Variants in TMEM236 observed in about 807,000 individuals in gnomAD.
The protein encoded by TMEM236 is family with sequence similarity 23, member A.
TMEM236 carries 11 observed loss-of-function variants against 14.7 expected under a neutral mutation model. The observed-to-expected ratio is 0.75, with a 90% CI of 0.47 to 1.24. The LOEUF is 1.24. TMEM236 is among the 50% of genes most tolerant of loss of function. The pLI, the probability that TMEM236 is intolerant of heterozygous loss-of-function variation, is 0.00. For synonymous variants in TMEM236, 182 were observed against 168.6 expected (o/e 1.08, Z -0.62); for missense variants, 464 against 427.3 (o/e 1.09, Z -0.76).
At chr10:17,787,261 A>G (rs1837852892) in intron 3 of TMEM236, among the ~76,000 whole-genome samples, 1 of 151,408 alleles carries the variant, frequency 6.6e-6, no homozygotes, top group African/African-American at 2.4e-5. Flanking sequence ...CAGCGCTGGC[A>G]CCCTCTGTGG....
In TMEM236 at chr10:17,796,444, T is replaced by C; in HGVS notation, c.996T>C (p.Ile332=). The stretch of plus-strand genomic sequence containing the variant: ...ATATCCTCGTGACTCTCTCTTACAT[T>C]TACTTCAATTACCTAACCAGAATCA... ...CKNILVTLSY[I]YFNYLTRIRI... The change falls in exon 4 of 4, where the codon ATT becomes ATC. Residue 332 remains isoleucine, a synonymous_variant. Coordinates refer to ENST00000377495, the MANE Select transcript of TMEM236 (RefSeq NM_001098844.3). 6.2e-7 allele frequency: 1 copy of C among 1,613,792 alleles called. No individual in the cohort carries two copies. The highest frequency in any genetic ancestry group is 8.5e-7 in the Non-Finnish European group (1 of 1,179,840).
At position 17,768,085 on chromosome 10, in the gene TMEM236, G is replaced by GTTTTTTT. The variant is rs1181734908; in HGVS notation, c.258-3224_258-3223insTTTTTTT. ...ACCACCACACCTCGCTAATTTTTGT[G>GTTTTTTT]GTTTTTTTTTTTTTTTTTTTTTTGT... On this transcript the variant is annotated intron_variant, in intron 1 of 3. Coordinates refer to ENST00000377495, the MANE Select transcript of TMEM236 (RefSeq NM_001098844.3). 8.2e-4 allele frequency among the ~76,000 whole-genome samples: 81 copies of GTTTTTTT among 98,804 alleles called. 11 individuals carry two copies. The highest frequency in any genetic ancestry group is 1.6e-3 in the African/African-American group (40 of 24,810). The allele number at this position is 98,804 out of a possible 152,430, so 64.8% of individuals were successfully genotyped here. A position where few individuals can be genotyped will look rare whatever the true frequency, so the allele number is the denominator to read the frequency against.
At chr10:17,777,712 A>G (rs2436683) in intron 3 of TMEM236, among the ~76,000 whole-genome samples, 121,026 of 152,220 alleles carry the variant, frequency 0.8, 48,824 homozygotes, top group African/African-American at 0.92. Flanking sequence ...ATAAGTTAAT[A>G]ACATTTTATT....
intron 1 of TMEM236, among the ~76,000 whole-genome samples, chr10:17,763,710 G>T (rs1203285517): frequency 6.6e-6 from 1 of 152,198 alleles, no homozygotes; most frequent in Non-Finnish European, 1.5e-5. Flanking sequence ...TATGAGGAAT[G>T]AGTTGATATA....
At chr10:17,792,305 C>G (rs1837938733) in intron 3 of TMEM236, among the ~76,000 whole-genome samples, 1 of 152,212 alleles carries the variant, frequency 6.6e-6, no homozygotes, top group Non-Finnish European at 1.5e-5. Flanking sequence ...CCAGGTTGAT[C>G]TGGATGTCCT....
chr10:17,763,479 A>G (rs1233676042), intron 1 of TMEM236, among the ~76,000 whole-genome samples: 5 of 152,114 alleles, frequency 3.3e-5, no homozygotes, highest in East Asian at 1.9e-4. Flanking sequence ...GAGATGTCCT[A>G]TTTGATTCAT....
Position 17,798,206 on chromosome 10 carries a change from A to G in TMEM236, c.*1702A>G, listed in dbSNP as rs1437016955. ...CTTCAATGATCTGTGATAACAAATC[A>G]TTAAGAATGAGACATATGGCTTAAG... On this transcript the variant is annotated 3_prime_UTR_variant, in exon 4 of 4. Transcript: ENST00000377495. The G allele has an allele frequency of 9.3e-6, 2 of 214,808 alleles. No homozygotes were observed. Among genetic ancestry groups the G allele is most frequent in the South Asian group, 7.3e-5 (1 of 13,658 alleles). The allele number at this position is 214,808 out of a possible 1,614,324, so 13.3% of individuals were successfully genotyped here.
At chr10:17,753,178 GC>G (rs1183801837) in intron 1 of TMEM236, among the ~76,000 whole-genome samples, 7 of 152,158 alleles carry the variant, frequency 4.6e-5, no homozygotes, top group Non-Finnish European at 1.0e-4. Context: ...ACAGGAGTGA[GC>G]CAACACGCCC....
At chr10:17,772,345 G>C (rs1837586612) in intron 2 of TMEM236, among the ~76,000 whole-genome samples, 1 of 152,176 alleles carries the variant, frequency 6.6e-6, no homozygotes, top group South Asian at 2.1e-4. Flanking sequence ...ATAATTTTGG[G>C]AGGTTACTCA....
chr10:17,792,353 G>A (rs1837939947), intron 3 of TMEM236, among the ~76,000 whole-genome samples: 1 of 152,208 alleles, frequency 6.6e-6, no homozygotes, highest in African/African-American at 2.4e-5. Context: ...CTCCCAAAGT[G>A]CTGGGATTAC....
chr10:17,771,335 T>G lies in TMEM236; in HGVS notation c.284T>G (p.Val95Gly), dbSNP rs371751428. Residue 95 changes from valine (V) to glycine (G), a missense_variant, in exon 2 of 4, where the codon GTC (valine) becomes GGC (glycine). Val to Gly is a moderately radical substitution (Grantham distance 109, BLOSUM62 -3). Transcript: ENST00000377495. ...GWRPVLMMCV[V>G]LTTLPCLTFS... ...AGACCTGTTCTGATGATGTGTGTGG[T>G]CCTCACCACACTGCCCTGCCTCACC... 1.3e-5 allele frequency: 21 copies of G among 1,613,990 alleles called. No homozygotes were observed. In the African/African-American group the frequency reaches 2.5e-4, roughly 19 times the overall value.
intron 3 of TMEM236, among the ~76,000 whole-genome samples, chr10:17,787,153 C>T (rs1191816357): frequency 6.6e-6 from 1 of 152,198 alleles, no homozygotes; most frequent in East Asian, 1.9e-4. Context: ...ACCCCTGACG[C>T]TACTGGTGCC....
chr10:17,775,987 A>G, intron 2 of TMEM236, 42 bp from the exon 3 acceptor site: 1 of 1,612,090 alleles, frequency 6.2e-7, no homozygotes, highest in Non-Finnish European at 8.5e-7. Context: ...GAGCAAAGAA[A>G]GCACAATAAT....
intron 1 of TMEM236, among the ~76,000 whole-genome samples, chr10:17,756,486 G>A (rs1024795130): frequency 1.3e-5 from 2 of 152,014 alleles, no homozygotes; most frequent in African/African-American, 4.8e-5. Flanking sequence ...AGTAGAGATG[G>A]ATTTTCCCCA....
rs1177572903 is a variant in TMEM236 at position 17,760,739 on chromosome 10, C to A, written c.257+8187C>A. ...GTTTGATGGACTCACAGTTCCACAT[C>A]GCTGGGGAGGCCTCACAATAATGGC... On this transcript the variant is annotated intron_variant, in intron 1 of 3. Coordinates refer to ENST00000377495, the MANE Select transcript of TMEM236 (RefSeq NM_001098844.3). Among the ~76,000 whole-genome samples, 3 of 152,274 alleles carry A rather than the reference C, an allele frequency of 2.0e-5. No individual in the cohort carries two copies. In the South Asian group the frequency reaches 6.2e-4, roughly 32 times the overall value.
At position 17,752,453 on chromosome 10, in the gene TMEM236, G is replaced by A; in HGVS notation, c.158G>A (p.Cys53Tyr). The change falls in exon 1 of 4, where the codon TGT becomes TAT. Residue 53 changes from cysteine (C) to tyrosine (Y), a missense_variant. Coordinates refer to ENST00000377495, the MANE Select transcript of TMEM236 (RefSeq NM_001098844.3). Reference sequence around the variant, plus strand: ...ACACACTACTGGCTGATCATCTCCTGTTCTATTGCCTATGTTGCGTTAGTG... The same window carrying A: ...ACACACTACTGGCTGATCATCTCCTATTCTATTGCCTATGTTGCGTTAGTG... ...DNTHYWLIIS[C>Y]SIAYVALVTL... 14 of 1,613,938 alleles carry A rather than the reference G, an allele frequency of 8.7e-6. No homozygotes were observed. Among genetic ancestry groups the A allele is most frequent in the Middle Eastern group, 1.7e-4 (1 of 6,056 alleles).
At chr10:17,766,161 T>G (rs1837459402) in intron 1 of TMEM236, among the ~76,000 whole-genome samples, 5 of 152,222 alleles carry the variant, frequency 3.3e-5, no homozygotes, top group African/African-American at 9.7e-5. Context: ...CTTTTTCAAC[T>G]TATCTCTCTT....
At chr10:17,758,729 G>A (rs1212585603) in intron 1 of TMEM236, among the ~76,000 whole-genome samples, 1 of 152,156 alleles carries the variant, frequency 6.6e-6, no homozygotes, top group Admixed American at 6.5e-5. Flanking sequence ...GGTAGAAGTG[G>A]CAATAAAACT....
chr10:17,778,704 G>A (rs1270878928), intron 3 of TMEM236, among the ~76,000 whole-genome samples: 1 of 152,194 alleles, frequency 6.6e-6, no homozygotes, highest in Non-Finnish European at 1.5e-5. Context: ...CTTTATGCTA[G>A]ATGAAACCAA....
Sources: allele counts gnomAD v4.1 joint callset (sites outside exome capture counted in the v4.1 genomes callset), GRCh38; gene constraint gnomAD v4.1.1; transcripts MANE v1.5; gene names NCBI Gene and HGNC (gene_info 2026-07-23, HGNC 2026-07-21).